KIF26B: variants seen among roughly 807,000 people sequenced by gnomAD.
KIF26B encodes kinesin-like protein KIF26B.
In KIF26B, 63 loss-of-function variants were observed where a neutral mutation model predicts 151.2. The observed-to-expected ratio is 0.42, with a 90% CI of 0.34 to 0.51. The LOEUF is 0.51. Among genes scored for constraint, KIF26B ranks in the 20% least tolerant of loss-of-function variants. The pLI, the probability that KIF26B is intolerant of heterozygous loss-of-function variation, is 0.07. For synonymous variants in KIF26B, 1,357 were observed against 1,262.1 expected (o/e 1.08, Z -1.59); for missense variants, 2,813 against 2,913.6 (o/e 0.97, Z 0.79).
Position 245,698,188 on chromosome 1 carries a change from C to G in KIF26B, c.5907C>G (p.Val1969=), listed in dbSNP as rs749041108. Residue 1969 remains valine, a synonymous_variant, in exon 13 of 15, where the codon GTC becomes GTG. Coordinates refer to ENST00000407071, the MANE Select transcript of KIF26B (RefSeq NM_018012.4). The surrounding 1 kb of genome is among the most constrained non-coding windows in gnomAD (Gnocchi z 4.0). ...GAAAACCCCCCAACAGCACAGGCGTCCGCTGGGTGGATGGCCCCTTGCGGA... is the reference window on the plus strand; with the variant it reads ...GAAAACCCCCCAACAGCACAGGCGTGCGCTGGGTGGATGGCCCCTTGCGGA... ...PVRKPPNSTG[V]RWVDGPLRSS... 2 of 1,613,938 alleles carry G rather than the reference C, an allele frequency of 1.2e-6. No individual in the cohort carries two copies. The highest frequency in any genetic ancestry group is 1.7e-6 in the Non-Finnish European group (2 of 1,179,904).
chr1:245,666,956 C>G (rs2147937950), intron 10 of KIF26B, among the ~76,000 whole-genome samples: 1 of 152,174 alleles, frequency 6.6e-6, no homozygotes, highest in South Asian at 2.1e-4. Context: ...GACTGTTCCT[C>G]TTCGGGGAAC....
intron 2 of KIF26B, among the ~76,000 whole-genome samples, chr1:245,186,879 CAG>C (rs1402097853): frequency 2.0e-5 from 3 of 150,856 alleles, no homozygotes; most frequent in African/African-American, 7.3e-5. Context: ...TTTTCTGAGA[CAG>C]AGTCTCTCTC....
intron 3 of KIF26B, among the ~76,000 whole-genome samples, chr1:245,383,355 T>C (rs1673462819): frequency 6.6e-6 from 1 of 152,174 alleles, no homozygotes. Flanking sequence ...CGTGTGTTTT[T>C]AGCAGTAATC....
chr1:245,333,521 G>C (rs1249125760), intron 2 of KIF26B, among the ~76,000 whole-genome samples: 1 of 152,214 alleles, frequency 6.6e-6, no homozygotes, highest in African/African-American at 2.4e-5. Context: ...TCTGGAGGTG[G>C]GCGGTGGTGA....
chr1:245,263,276 G>A (rs1022508686), intron 2 of KIF26B, among the ~76,000 whole-genome samples: 1 of 152,102 alleles, frequency 6.6e-6, no homozygotes, highest in Non-Finnish European at 1.5e-5. Flanking sequence ...GTTTCTTTAC[G>A]CAGGGGTTCA....
intron 4 of KIF26B, among the ~76,000 whole-genome samples, chr1:245,473,933 T>G (rs1659972081): frequency 6.6e-6 from 1 of 151,846 alleles, no homozygotes. Flanking sequence ...ATGTGATAAT[T>G]TAATACGTTC....
chr1:245,377,602 G>T (rs1038401006), intron 3 of KIF26B, among the ~76,000 whole-genome samples: 1 of 152,076 alleles, frequency 6.6e-6, no homozygotes, highest in Non-Finnish European at 1.5e-5. Flanking sequence ...TCCAAATAAG[G>T]TCACATTCTA....
At position 245,702,092 on chromosome 1, in the gene KIF26B, C is replaced by T. The variant is rs544950701; in HGVS notation, c.6179-366C>T. Among the ~76,000 whole-genome samples the T allele has an allele frequency of 1.5e-5, 2 of 134,746 alleles. No homozygotes were observed. The highest frequency in any genetic ancestry group is 5.8e-5 in the African/African-American group (2 of 34,662). The allele number at this position is 134,746 out of a possible 152,430, so 88.4% of individuals were successfully genotyped here. A position where few individuals can be genotyped will look rare whatever the true frequency, so the allele number is the denominator to read the frequency against. Reference sequence around the variant, plus strand: ...GAGACCCCCAAAAGGGAGGGACTCTCCCCACCTCAACTTGAATTATTTACT... The same window carrying T: ...GAGACCCCCAAAAGGGAGGGACTCTTCCCACCTCAACTTGAATTATTTACT... On this transcript the variant is annotated intron_variant, in intron 14 of 14. Coordinates refer to ENST00000407071, the MANE Select transcript of KIF26B (RefSeq NM_018012.4). The surrounding 1 kb of genome is among the most constrained non-coding windows in gnomAD (Gnocchi z 4.1).
intron 2 of KIF26B, among the ~76,000 whole-genome samples, chr1:245,312,952 G>A (rs1671691144): frequency 6.6e-6 from 1 of 152,094 alleles, no homozygotes; most frequent in African/African-American, 2.4e-5. Flanking sequence ...ACGAGGTCAA[G>A]AGATCGAGAC....
At chr1:245,489,780 T>G (rs988379973) in intron 4 of KIF26B, among the ~76,000 whole-genome samples, 2 of 152,246 alleles carry the variant, frequency 1.3e-5, no homozygotes, top group Admixed American at 1.3e-4. Flanking sequence ...TAGACATTGC[T>G]AATGTTATTC....
chr1:245,592,083 C>T (rs574140975), intron 5 of KIF26B, among the ~76,000 whole-genome samples: 1 of 152,366 alleles, frequency 6.6e-6, no homozygotes, highest in Admixed American at 6.5e-5. Context: ...CATTACCGGG[C>T]TCCATTCTCC....
intron 12 of KIF26B, 54 bp downstream of exon 12, chr1:245,688,861 GCCCAAACCCCAC>G (rs1167471509): frequency 6.6e-7 from 1 of 1,506,390 alleles, no homozygotes; most frequent in African/African-American, 1.4e-5. Context: ...TGGGCGAGCT[GCCCAAACCCCAC>G]TGCCAGGGTG....
At position 245,656,097 on chromosome 1, in the gene KIF26B, C is replaced by T. The variant is rs528622479; in HGVS notation, c.2258+9817C>T. On this transcript the variant is annotated intron_variant, in intron 10 of 14. Transcript: ENST00000407071. ...CATTTATTCATTTACTCAAAAATAC[C>T]CTACAATAAATACCAGGAATATAAC... Among the ~76,000 whole-genome samples, 88 of 134,318 alleles carry T rather than the reference C, an allele frequency of 6.6e-4. 4 individuals are homozygous for T. In the South Asian group the frequency reaches 0.015, roughly 23 times the overall value. 88.1% of individuals were successfully genotyped at this position (134,318 alleles called of 152,430 possible). A position where few individuals can be genotyped will look rare whatever the true frequency, so the allele number is the denominator to read the frequency against.
intron 4 of KIF26B, among the ~76,000 whole-genome samples, chr1:245,450,136 C>T (rs1019831592): frequency 2.0e-5 from 3 of 152,104 alleles, no homozygotes; most frequent in Admixed American, 6.5e-5. Flanking sequence ...GTTCTCTTTC[C>T]GTTGGCCCAC....
chr1:245,617,046 ATCTG>A (rs1427706971), intron 9 of KIF26B, among the ~76,000 whole-genome samples: 1 of 152,108 alleles, frequency 6.6e-6, no homozygotes, highest in Non-Finnish European at 1.5e-5. Flanking sequence ...TGCTACACTC[ATCTG>A]TCTACACATC....
intron 4 of KIF26B, among the ~76,000 whole-genome samples, chr1:245,521,291 C>T (rs575977689): frequency 4.9e-5 from 5 of 101,472 alleles, no homozygotes; most frequent in South Asian, 3.7e-4. Context: ...GAGCCGAGAT[C>T]GCACCACTGC....
intron 3 of KIF26B, chr1:245,370,604 G>A (rs954544538): frequency 6.6e-6 from 3 of 456,620 alleles, no homozygotes; most frequent in African/African-American, 6.0e-5. Context: ...ACACGTGGCA[G>A]GGGCCGGTTA....
At chr1:245,346,363 C>T (rs535744914) in intron 2 of KIF26B, among the ~76,000 whole-genome samples, 4 of 152,328 alleles carry the variant, frequency 2.6e-5, no homozygotes, top group African/African-American at 9.6e-5. Context: ...CCCTGAACCA[C>T]CACGTTTGGT....
At chr1:245,647,424 C>CA (rs372008159) in intron 10 of KIF26B, among the ~76,000 whole-genome samples, 77,601 of 96,190 alleles carry the variant, frequency 0.81, 31,085 homozygotes, top group Middle Eastern at 0.89. Flanking sequence ...GACTCCTTCT[C>CA]AAAAAAAAAA....
Sources: allele counts gnomAD v4.1 joint callset (sites outside exome capture counted in the v4.1 genomes callset), GRCh38; gene constraint gnomAD v4.1.1; non-coding constraint Gnocchi (gnomAD v3.1); transcripts MANE v1.5; gene names NCBI Gene and HGNC (gene_info 2026-07-23, HGNC 2026-07-21).